NALF1: variants seen among roughly 807,000 people sequenced by gnomAD.
NALF1 encodes NALCN channel auxiliary factor 1.
A neutral mutation model predicts 48.4 loss-of-function variants in NALF1; 3 were observed. The observed-to-expected ratio is 0.06, with a 90% CI of 0.03 to 0.16. NALF1 has a LOEUF of 0.16. NALF1 is among the 10% of genes least tolerant of loss of function. The pLI is 1.00. For synonymous variants in NALF1, 262 were observed against 245.7 expected (o/e 1.07, Z -0.62); for missense variants, 526 against 571.5 (o/e 0.92, Z 0.81).
intron 1 of NALF1, among the ~76,000 whole-genome samples, chr13:107,696,176 C>T (rs113670872): frequency 6.6e-6 from 1 of 152,270 alleles, no homozygotes; most frequent in African/African-American, 2.4e-5. Context: ...GGATTATAGG[C>T]GTGAGCCACT....
chr13:107,623,820 T>C (rs989939603), intron 1 of NALF1, among the ~76,000 whole-genome samples: 1 of 152,130 alleles, frequency 6.6e-6, no homozygotes, highest in Non-Finnish European at 1.5e-5. Flanking sequence ...AACTAGATAA[T>C]ACTTCGTCAG....
chr13:107,546,718 G>A (rs1877145986), intron 1 of NALF1, among the ~76,000 whole-genome samples: 1 of 151,996 alleles, frequency 6.6e-6, no homozygotes, highest in African/African-American at 2.4e-5. Flanking sequence ...TTCCACTGAT[G>A]TAGTATATCA....
intron 1 of NALF1, among the ~76,000 whole-genome samples, chr13:107,633,287 AT>A (rs1416877906): frequency 6.6e-6 from 1 of 152,098 alleles, no homozygotes; most frequent in African/African-American, 2.4e-5. Flanking sequence ...AACATAAAAT[AT>A]TTTTAAAAAT....
chr13:107,196,764 G>A (rs1879400542), intron 2 of NALF1, among the ~76,000 whole-genome samples: 2 of 152,112 alleles, frequency 1.3e-5, no homozygotes, highest in African/African-American at 4.8e-5. Context: ...AGGATCTAAT[G>A]TAGAACATGA....
intron 1 of NALF1, among the ~76,000 whole-genome samples, chr13:107,679,547 C>A (rs1259087913): frequency 6.6e-6 from 1 of 152,164 alleles, no homozygotes; most frequent in African/African-American, 2.4e-5. Flanking sequence ...AACTCCAATT[C>A]CTCTGAGTGG....
intron 1 of NALF1, among the ~76,000 whole-genome samples, chr13:107,636,566 G>A (rs1879982312): frequency 6.6e-6 from 1 of 152,010 alleles, no homozygotes; most frequent in Non-Finnish European, 1.5e-5. Flanking sequence ...TAGTCCATTT[G>A]TTCAGCTTTC....
intron 1 of NALF1, among the ~76,000 whole-genome samples, chr13:107,856,560 C>CATGG (rs2138646594): frequency 6.6e-6 from 1 of 152,192 alleles, no homozygotes; most frequent in Admixed American, 6.5e-5. Context: ...TCACTGATAA[C>CATGG]ATGGATAGGA....
At chr13:107,482,131 G>A (rs1029201579) in intron 1 of NALF1, among the ~76,000 whole-genome samples, 1 of 151,878 alleles carries the variant, frequency 6.6e-6, no homozygotes, top group Non-Finnish European at 1.5e-5. Flanking sequence ...TCCATAATAC[G>A]AATGGGCCTC....
intron 1 of NALF1, among the ~76,000 whole-genome samples, chr13:107,226,556 C>T (rs1001239882): frequency 2.6e-5 from 4 of 152,118 alleles, no homozygotes; most frequent in Non-Finnish European, 5.9e-5. Context: ...TCCTGTTGCT[C>T]GAATTTCATA....
chr13:107,484,935 T>C (rs1885304526), intron 1 of NALF1, among the ~76,000 whole-genome samples: 1 of 152,162 alleles, frequency 6.6e-6, no homozygotes, highest in Admixed American at 6.6e-5. Flanking sequence ...TTGCAGAGTA[T>C]TTGTCTTTAG....
intron 1 of NALF1, among the ~76,000 whole-genome samples, chr13:107,682,300 T>A (rs1485764677): frequency 1.3e-5 from 2 of 152,180 alleles, no homozygotes; most frequent in Non-Finnish European, 2.9e-5. Flanking sequence ...GATGGCGATG[T>A]CATCTATAAG....
chr13:107,342,694 C>T (rs534308020), intron 1 of NALF1, among the ~76,000 whole-genome samples: 2 of 151,922 alleles, frequency 1.3e-5, no homozygotes, highest in Non-Finnish European at 2.9e-5. Flanking sequence ...TCAATTATAA[C>T]CATAAAATGT....
chr13:107,481,786 CCCCT>C (rs1226848796), intron 1 of NALF1, among the ~76,000 whole-genome samples: 1 of 152,068 alleles, frequency 6.6e-6, no homozygotes, highest in Non-Finnish European at 1.5e-5. Context: ...ATTTGAAGGG[CCCCT>C]AGAGGACAGG....
chr13:107,477,130 T>G (rs1448560619), intron 1 of NALF1, among the ~76,000 whole-genome samples: 1 of 152,142 alleles, frequency 6.6e-6, no homozygotes, highest in Admixed American at 6.6e-5. Context: ...AATAACTTAC[T>G]GTGAACTGAG....
chr13:107,724,445 T>G (rs1876088897), intron 1 of NALF1, among the ~76,000 whole-genome samples: 1 of 152,236 alleles, frequency 6.6e-6, no homozygotes, highest in Non-Finnish European at 1.5e-5. Flanking sequence ...CAGAATATAA[T>G]CGTTCATTTA....
At chr13:107,858,754 T>G (rs975704815) in intron 1 of NALF1, among the ~76,000 whole-genome samples, 2 of 152,234 alleles carry the variant, frequency 1.3e-5, no homozygotes, top group Non-Finnish European at 2.9e-5. Flanking sequence ...GTCCTCACAT[T>G]CCCCATCTGT....
At chr13:107,203,587 C>A (rs1051675766) in intron 2 of NALF1, among the ~76,000 whole-genome samples, 19 of 145,164 alleles carry the variant, frequency 1.3e-4, no homozygotes, top group African/African-American at 4.9e-4. Flanking sequence ...AAAAGGACAG[C>A]CATCAGGTGC....
At chr13:107,404,812 T>G (rs1883871983) in intron 1 of NALF1, among the ~76,000 whole-genome samples, 1 of 152,094 alleles carries the variant, frequency 6.6e-6, no homozygotes, top group Non-Finnish European at 1.5e-5. Context: ...ACATGGCTAG[T>G]AAAAAAGTCT....
chr13:107,481,249 A>C (rs2139061057), intron 1 of NALF1, among the ~76,000 whole-genome samples: 1 of 152,296 alleles, frequency 6.6e-6, no homozygotes, highest in African/African-American at 2.4e-5. Flanking sequence ...GATGCTGCTG[A>C]AAGATTCCAT....
Sources: allele counts gnomAD v4.1 joint callset (sites outside exome capture counted in the v4.1 genomes callset), GRCh38; gene constraint gnomAD v4.1.1; transcripts MANE v1.5; gene names NCBI Gene and HGNC (gene_info 2026-07-23, HGNC 2026-07-21).